The following CHAT variants were observed in gnomAD, a reference collection of about 807,000 sequenced individuals.
CHAT encodes the protein choline O-acetyltransferase, also known as acetyl CoA:choline O-acetyltransferase.
CHAT carries 61 observed loss-of-function variants against 76.9 expected under a neutral mutation model. The ratio of observed to expected loss-of-function variants is 0.79; its 90% CI spans 0.65 to 0.98. CHAT has a LOEUF of 0.98. CHAT is among the 50% of genes least tolerant of loss of function. The pLI is 0.00. For synonymous variants in CHAT, 407 were observed against 397.4 expected, an observed-to-expected ratio of 1.02 and a Z score of -0.29; for missense variants, 946 against 986.9, an observed-to-expected ratio of 0.96 and a Z score of 0.56.
At chr10:49,609,876 G>A (rs1838242522), upstream of CHAT, among the ~76,000 whole-genome samples, 1 of 152,118 alleles carries the variant, frequency 6.6e-6, no homozygotes, top group South Asian at 2.1e-4. Context: ...CTTCCTGCTC[G>A]CTGTGCGCCG....
chr10:49,647,120 A>C (rs1024202061), intron 8 of CHAT: 3 of 206,054 alleles, frequency 1.5e-5, no homozygotes, highest in Non-Finnish European at 3.0e-5. Context: ...TTGGATGTCC[A>C]CCCCCGTGGC....
chr10:49,642,481 G>C (rs191924524), intron 7 of CHAT, among the ~76,000 whole-genome samples: 1 of 152,234 alleles, frequency 6.6e-6, no homozygotes, highest in Non-Finnish European at 1.5e-5. Context: ...TGATGGCAAG[G>C]CCTCAGTGCC....
chr10:49,642,275 G>A (rs1007899067), intron 7 of CHAT, among the ~76,000 whole-genome samples: 7 of 152,236 alleles, frequency 4.6e-5, no homozygotes, highest in Non-Finnish European at 8.8e-5. Context: ...GAGCTTGGGT[G>A]TAGTGCTCAT....
At chr10:49,633,846 C>A (rs1839208136) in intron 7 of CHAT, among the ~76,000 whole-genome samples, 1 of 152,176 alleles carries the variant, frequency 6.6e-6, no homozygotes, top group African/African-American at 2.4e-5. Flanking sequence ...AAATATTTAT[C>A]CCCGACAGTC....
chr10:49,651,768 G>A (rs1839886861), intron 10 of CHAT, 116 bp from the exon 11 acceptor site: 4 of 1,056,120 alleles, frequency 3.8e-6, no homozygotes, highest in Admixed American at 4.1e-5. Flanking sequence ...CAGGGACTAC[G>A]TCCGCACCTT....
rs372704267 is a variant in CHAT at position 49,663,304 on chromosome 10, G to A, written c.1977+522G>A. 2.3e-4 allele frequency among the ~76,000 whole-genome samples: 35 copies of A among 152,180 alleles called. 1 individual carries two copies. Among genetic ancestry groups the A allele is most frequent in the Admixed American group, 1.3e-3 (20 of 15,268 alleles). ...AATCAGCAGACCCTACTTAGCCGAGGTGGAGACAGTACAGGAACATACCCA... is the reference window on the plus strand; with the variant it reads ...AATCAGCAGACCCTACTTAGCCGAGATGGAGACAGTACAGGAACATACCCA... On this transcript the variant is annotated intron_variant, in intron 14 of 14. Coordinates refer to ENST00000337653, the MANE Select transcript of CHAT (RefSeq NM_020549.5).
At chr10:49,613,919 T>A (rs1444450252), upstream of CHAT, 2 of 581,480 alleles carry the variant, frequency 3.4e-6, no homozygotes, top group Non-Finnish European at 6.1e-6. Flanking sequence ...GAGACTGGCC[T>A]GGATGGTGGG....
At chr10:49,625,771 G>C (rs1193602853) in intron 6 of CHAT, 118 bp downstream of exon 6, 2 of 1,107,768 alleles carry the variant, frequency 1.8e-6, no homozygotes, top group Non-Finnish European at 1.3e-6. Context: ...CAGGGAGCTG[G>C]GGCACCATGT....
At chr10:49,635,230 G>A (rs540465463) in intron 7 of CHAT, among the ~76,000 whole-genome samples, 9 of 152,194 alleles carry the variant, frequency 5.9e-5, no homozygotes, top group Admixed American at 3.9e-4. Context: ...ATAATTCTCC[G>A]GATGGAGATT....
At chr10:49,653,884 C>T (rs1166465710) in intron 11 of CHAT, among the ~76,000 whole-genome samples, 1 of 152,244 alleles carries the variant, frequency 6.6e-6, no homozygotes, top group Non-Finnish European at 1.5e-5. Context: ...CTGAGGGGGA[C>T]AGTGCAGCCT....
chr10:49,612,711 T>A (rs1367707941), upstream of CHAT: 1 of 233,294 alleles, frequency 4.3e-6, no homozygotes, highest in East Asian at 9.8e-5. Flanking sequence ...AAACTGTGTC[T>A]GTCCCAGGAG....
chr10:49,654,556 G>A (rs1367546349), intron 11 of CHAT, among the ~76,000 whole-genome samples: 1 of 152,262 alleles, frequency 6.6e-6, no homozygotes, highest in African/African-American at 2.4e-5. Context: ...TCAGGACACA[G>A]TCATCAGGGA....
upstream of CHAT, among the ~76,000 whole-genome samples, chr10:49,609,433 T>G (rs1271492990): frequency 1.5e-5 from 2 of 131,848 alleles, no homozygotes; most frequent in African/African-American, 3.0e-5. Context: ...GTGCGAAGAG[T>G]GCCTGGGAGG....
At chr10:49,629,458 T>A (rs1839039236) in intron 7 of CHAT, among the ~76,000 whole-genome samples, 1 of 152,134 alleles carries the variant, frequency 6.6e-6, no homozygotes. Context: ...CCGCAGTGAG[T>A]TAATTCCCTC....
At chr10:49,653,285 G>A (rs1839936371) in intron 11 of CHAT, among the ~76,000 whole-genome samples, 1 of 152,086 alleles carries the variant, frequency 6.6e-6, no homozygotes, top group African/African-American at 2.4e-5. Flanking sequence ...CAGGGGAGAG[G>A]TCAATTAGCC....
intron 7 of CHAT, among the ~76,000 whole-genome samples, chr10:49,639,301 T>A (rs1479899671): frequency 6.6e-6 from 1 of 152,174 alleles, no homozygotes; most frequent in Admixed American, 6.5e-5. Flanking sequence ...TCAGGATATG[T>A]CTGCTTGGCA....
At chr10:49,644,816 C>T (rs1246370411) in intron 7 of CHAT, among the ~76,000 whole-genome samples, 1 of 152,180 alleles carries the variant, frequency 6.6e-6, no homozygotes, top group Non-Finnish European at 1.5e-5. Context: ...GAGCGAAGAC[C>T]AGTGCAGTTA....
intron 8 of CHAT, chr10:49,647,831 G>C (rs1303292065): frequency 6.6e-6 from 1 of 151,752 alleles, no homozygotes; most frequent in Non-Finnish European, 1.5e-5. Flanking sequence ...GCACAGATAA[G>C]TACTAATGTG....
rs121912818 is a variant in CHAT at position 49,649,569 on chromosome 10, A to G, written c.1444A>G (p.Arg482Gly). The change falls in exon 10 of 15, where the codon AGG (arginine) becomes GGG (glycine). Residue 482 changes from arginine (R) to glycine (G), a missense_variant. Physicochemically the swap from Arg to Gly is moderately radical, Grantham distance 125. This residue lies in a region of CHAT where 349 missense variants were observed against 393.9 expected (regional missense o/e 0.89). Transcript: ENST00000337653. ...CGTCAGCGAGCTCCCCGCCCCCCGG[A>G]GGCTGCGGTGGAAATGCTCCCCGGA... ...DSVSELPAPR[R>G]LRWKCSPEIQ... 1.9e-6 allele frequency: 3 copies of G among 1,613,872 alleles called. No homozygotes were observed. The highest frequency in any genetic ancestry group is 2.5e-6 in the Non-Finnish European group (3 of 1,180,028).
Sources: gnomAD v4.1 joint callset for allele counts (sites outside exome capture counted in the v4.1 genomes callset) on GRCh38, gnomAD v4.1.1 for gene constraint, gnomAD v4.1.1 regional missense constraint, MANE v1.5 for transcripts, NCBI Gene and HGNC (gene_info 2026-07-23, HGNC 2026-07-21) for gene names.